The following TENM2 variants were observed in gnomAD, a reference collection of about 807,000 sequenced individuals.
TENM2 encodes the protein teneurin transmembrane protein 2, also known as teneurin-2.
TENM2 carries 52 observed loss-of-function variants against 245.2 expected under a neutral mutation model. That is an observed-to-expected ratio of 0.21 (90% CI 0.17 to 0.27). TENM2 has a LOEUF of 0.27. TENM2 is among the 10% of genes least tolerant of loss of function. The pLI, the probability that TENM2 is intolerant of heterozygous loss-of-function variation, is 1.00. For synonymous variants in TENM2, 1,363 were observed against 1,438.9 expected (o/e 0.95, Z 1.19); for missense variants, 3,046 against 3,666.8 (o/e 0.83, Z 4.37).
At chr5:167,404,123 A>T (rs1412026254) in intron 2 of TENM2, among the ~76,000 whole-genome samples, 1 of 151,842 alleles carries the variant, frequency 6.6e-6, no homozygotes, top group African/African-American at 2.4e-5. Context: ...AACCAATTTA[A>T]CTCTCAAGAT....
chr5:168,078,420 G>T (rs549178653), intron 7 of TENM2, among the ~76,000 whole-genome samples: 2 of 152,112 alleles, frequency 1.3e-5, no homozygotes, highest in East Asian at 3.8e-4. Flanking sequence ...CTGTGCAGAA[G>T]CTCTTTAATT....
At chr5:167,765,900 T>G (rs1409140856) in intron 2 of TENM2, among the ~76,000 whole-genome samples, 1 of 152,212 alleles carries the variant, frequency 6.6e-6, no homozygotes, top group African/African-American at 2.4e-5. Context: ...GCTTGTAAAC[T>G]TAATTGATAT....
the TENM2 span, among the ~76,000 whole-genome samples, chr5:167,215,497 G>T: frequency 6.6e-6 from 1 of 152,158 alleles, no homozygotes; most frequent in Non-Finnish European, 1.5e-5. Context: ...ACTGAAAGAG[G>T]CAGGGAGCTC....
At chr5:168,104,798 T>G (rs2152296934) in intron 9 of TENM2, among the ~76,000 whole-genome samples, 2 of 152,200 alleles carry the variant, frequency 1.3e-5, no homozygotes, top group East Asian at 3.9e-4. Context: ...AAAATGAAAC[T>G]GACCTGCCAT....
At chr5:167,544,627 T>A (rs1240575094) in intron 2 of TENM2, among the ~76,000 whole-genome samples, 1 of 152,222 alleles carries the variant, frequency 6.6e-6, no homozygotes, top group African/African-American at 2.4e-5. Context: ...TATATATTGA[T>A]TCATTAATTC....
chr5:167,565,713 G>A (rs1773863943), intron 2 of TENM2, among the ~76,000 whole-genome samples: 1 of 152,156 alleles, frequency 6.6e-6, no homozygotes, highest in African/African-American at 2.4e-5. Context: ...CAGCGGTGAA[G>A]TAATTTAGCT....
At chr5:167,676,829 C>T (rs1047748842) in intron 2 of TENM2, among the ~76,000 whole-genome samples, 12 of 152,102 alleles carry the variant, frequency 7.9e-5, no homozygotes, top group Admixed American at 7.9e-4. Flanking sequence ...TTTCAAAACG[C>T]CCTTGAAAAC....
intron 2 of TENM2, among the ~76,000 whole-genome samples, chr5:167,503,931 A>T (rs891281198): frequency 1.3e-5 from 2 of 152,122 alleles, no homozygotes; most frequent in African/African-American, 2.4e-5. Context: ...TAAAAGCCAG[A>T]TGTATCTGAT....
In TENM2 at chr5:168,247,383, G is replaced by T; in HGVS notation, c.6444G>T (p.Met2148Ile). The T allele has an allele frequency of 6.2e-7, 1 of 1,613,932 alleles. No individual in the cohort carries two copies. The highest frequency in any genetic ancestry group is 8.5e-7 in the Non-Finnish European group (1 of 1,179,890). The stretch of plus-strand genomic sequence containing the variant: ...ACCAGATCATCACCACTGCCGTGAT[G>T]ACCCTCAGCAAACACTTCGACACCC... Residue 2148 changes from methionine to isoleucine, a missense_variant, in exon 27 of 29, where the codon ATG (methionine) becomes ATT (isoleucine). Physicochemically the swap from Met to Ile is conservative, Grantham distance 10. Transcript: ENST00000518659. The surrounding 1 kb of genome is among the most constrained non-coding windows in gnomAD (Gnocchi z 7.8).
chr5:168,049,899 T>C (rs760080214), intron 6 of TENM2, among the ~76,000 whole-genome samples: 3 of 152,136 alleles, frequency 2.0e-5, no homozygotes, highest in Non-Finnish European at 4.4e-5. Flanking sequence ...ACCTCCCCGG[T>C]TCAAGCAATT....
the TENM2 span, among the ~76,000 whole-genome samples, chr5:167,115,017 G>A: frequency 6.6e-6 from 1 of 152,194 alleles, no homozygotes; most frequent in Non-Finnish European, 1.5e-5. Context: ...GAGAGTACAG[G>A]AGTCAACCTG....
In TENM2 at chr5:167,910,425, G is replaced by T. The variant is rs78393096; in HGVS notation, c.712+34230G>T. The stretch of plus-strand genomic sequence containing the variant: ...TAGTATAATTGCCTCTTCAAAATGT[G>T]ATTAAATATCCTCTTTCCCTCCATC... On this transcript the variant is annotated intron_variant, in intron 3 of 28. Transcript: ENST00000518659. 4.0e-3 allele frequency among the ~76,000 whole-genome samples: 611 copies of T among 152,170 alleles called. 36 individuals carry two copies. In the East Asian group the frequency reaches 0.1, roughly 26 times the overall value.
intron 27 of TENM2, among the ~76,000 whole-genome samples, chr5:168,255,727 T>G (rs1767592417): frequency 6.6e-6 from 1 of 152,244 alleles, no homozygotes. Flanking sequence ...GTTTTAATTT[T>G]ACAGTTATTT....
chr5:168,233,382 C>G (rs1178854634), intron 25 of TENM2, among the ~76,000 whole-genome samples: 1 of 152,166 alleles, frequency 6.6e-6, no homozygotes, highest in Non-Finnish European at 1.5e-5. Context: ...GTGCAGGGAC[C>G]AGGTCGCCCC....
the TENM2 span, among the ~76,000 whole-genome samples, chr5:167,195,736 A>G: frequency 2.0e-5 from 3 of 151,884 alleles, no homozygotes; most frequent in Non-Finnish European, 2.9e-5. Flanking sequence ...TTGAATGCCA[A>G]AAAAATAAGA....
the TENM2 span, among the ~76,000 whole-genome samples, chr5:167,069,252 A>G: frequency 0.43 from 65,856 of 151,888 alleles, 14,913 homozygotes; most frequent in African/African-American, 0.52. Flanking sequence ...TATTGTCTGG[A>G]TTTTTATAGG....
intron 3 of TENM2, among the ~76,000 whole-genome samples, chr5:167,897,895 T>G (rs1314732218): frequency 7.4e-5 from 11 of 148,832 alleles, no homozygotes; most frequent in African/African-American, 1.7e-4. Context: ...AAATTGTTTT[T>G]TTTTTTTTTT....
the TENM2 span, among the ~76,000 whole-genome samples, chr5:167,263,413 A>AG: frequency 1.3e-5 from 2 of 152,098 alleles, no homozygotes; most frequent in African/African-American, 4.8e-5. Flanking sequence ...ATATGCAGAA[A>AG]CCCTGCTCCT....
chr5:168,244,090 A>G lies in TENM2; in HGVS notation c.5521-330A>G, dbSNP rs1433489067. 6.6e-6 allele frequency among the ~76,000 whole-genome samples: 1 copy of G among 151,908 alleles called. No individual in the cohort carries two copies. Among genetic ancestry groups the G allele is most frequent in the Non-Finnish European group, 1.5e-5 (1 of 67,976 alleles). On this transcript the variant is annotated intron_variant, in intron 25 of 28. Coordinates refer to ENST00000518659, the Ensembl canonical transcript of TENM2. This position sits in a 1 kb window ranked among gnomAD's most constrained non-coding sequence, Gnocchi z 4.9. ...GTAGCTGGAACTACAGGTGCATGCC[A>G]CCATGCCAGCTAATTTTTATATTTT...
Sources: gnomAD v4.1 joint callset for allele counts (sites outside exome capture counted in the v4.1 genomes callset) on GRCh38, gnomAD v4.1.1 for gene constraint, Gnocchi (gnomAD v3.1) non-coding constraint, MANE v1.5 for transcripts, NCBI Gene and HGNC (gene_info 2026-07-23, HGNC 2026-07-21) for gene names.